Variants in SLC30A8 observed in about 807,000 individuals in gnomAD.
The protein encoded by SLC30A8 is solute carrier family 30 member 8.
A neutral mutation model predicts 36.9 loss-of-function variants in SLC30A8; 27 were observed. The observed-to-expected ratio is 0.73, with a 90% CI of 0.54 to 1.01. The LOEUF is 1.01. Ranked by LOEUF, SLC30A8 falls within the 50% of genes least tolerant of loss-of-function variation. The probability of loss-of-function intolerance (pLI) is 0.00; values close to 1 mark genes in which losing one functional copy is unlikely to be tolerated. For missense variants in SLC30A8, 439 were observed against 452.0 expected (o/e 0.97, Z 0.26); for synonymous variants, 164 against 172.4 (o/e 0.95, Z 0.38).
chr8:116,978,844 A>G (rs1315967435), intron 1 of SLC30A8, among the ~76,000 whole-genome samples: 5 of 151,910 alleles, frequency 3.3e-5, no homozygotes, highest in Non-Finnish European at 7.4e-5. Context: ...ATGCTCACCT[A>G]TATGTGCATT....
At chr8:117,141,665 A>G (rs1240313004) in intron 1 of SLC30A8, among the ~76,000 whole-genome samples, 1 of 152,148 alleles carries the variant, frequency 6.6e-6, no homozygotes, top group Non-Finnish European at 1.5e-5. Flanking sequence ...TGTACACTGT[A>G]CCAATGTGCA....
At chr8:117,106,137 T>C (rs113436177) in intron 2 of SLC30A8, among the ~76,000 whole-genome samples, 11 of 152,210 alleles carry the variant, frequency 7.2e-5, no homozygotes, top group Non-Finnish European at 1.5e-4. Flanking sequence ...AAAATGGTTT[T>C]ATAAATTAGT....
In SLC30A8 at chr8:116,970,482, G is replaced by A. The variant is rs1389853119; in HGVS notation, c.-266+19363G>A. On this transcript the variant is annotated intron_variant, in intron 1 of 10. Transcript: ENST00000427715. Reference sequence around the variant, plus strand: ...TTATCATTATCAAGAATTATGGACTGTACATAATTGTATGTGCTATACTTT... The same window carrying A: ...TTATCATTATCAAGAATTATGGACTATACATAATTGTATGTGCTATACTTT... Among the ~76,000 whole-genome samples, 8 of 152,294 alleles carry A rather than the reference G, an allele frequency of 5.3e-5. No individual in the cohort carries two copies. The East Asian group carries it at 9.6e-4, about 18-fold the overall frequency.
At chr8:117,137,192 G>T (rs1002526974) in intron 1 of SLC30A8, among the ~76,000 whole-genome samples, 5 of 151,700 alleles carry the variant, frequency 3.3e-5, no homozygotes, top group African/African-American at 7.3e-5. Flanking sequence ...TAGGTCACAT[G>T]TCCCTGAATT....
intron 1 of SLC30A8, among the ~76,000 whole-genome samples, chr8:116,958,419 T>C (rs1017217817): frequency 5.3e-5 from 8 of 152,150 alleles, no homozygotes; most frequent in African/African-American, 1.9e-4. Flanking sequence ...TTTTACTTCT[T>C]TTTGTTTTTG....
In SLC30A8 at chr8:117,129,014, T is replaced by C. The variant is rs149372237; in HGVS notation, c.-225-6266T>C. Among the ~76,000 whole-genome samples the C allele has an allele frequency of 3.0e-3, 449 of 152,120 alleles. 5 individuals are homozygous for C. Among genetic ancestry groups the C allele is most frequent in the African/African-American group, 0.01 (418 of 41,544 alleles). ...CAGCAGTAACGTTAGTTAAAATGGGTGCTTGGGCTGGATTCAGGTGTCAGG... is the reference window on the plus strand; with the variant it reads ...CAGCAGTAACGTTAGTTAAAATGGGCGCTTGGGCTGGATTCAGGTGTCAGG... On this transcript the variant is annotated intron_variant, in intron 2 of 10. Coordinates refer to the SLC30A8 transcript ENST00000427715.
At chr8:116,980,376 CA>C (rs1448456919) in intron 1 of SLC30A8, among the ~76,000 whole-genome samples, 2 of 151,996 alleles carry the variant, frequency 1.3e-5, no homozygotes, top group Non-Finnish European at 2.9e-5. Context: ...CAGGAAAGGG[CA>C]GGGGGAGAAT....
At chr8:117,067,636 A>G (rs1214226926) in intron 2 of SLC30A8, among the ~76,000 whole-genome samples, 1 of 152,190 alleles carries the variant, frequency 6.6e-6, no homozygotes, top group African/African-American at 2.4e-5. Flanking sequence ...GCAAATGCAG[A>G]TGTCTGTGAA....
At chr8:117,045,355 T>A (rs1817518596) in intron 2 of SLC30A8, among the ~76,000 whole-genome samples, 1 of 152,162 alleles carries the variant, frequency 6.6e-6, no homozygotes, top group African/African-American at 2.4e-5. Context: ...TTGAAAGGTT[T>A]TTTATGATCC....
chr8:116,987,730 G>A (rs1005856068), intron 1 of SLC30A8, among the ~76,000 whole-genome samples: 4 of 151,962 alleles, frequency 2.6e-5, no homozygotes, highest in Admixed American at 2.0e-4. Context: ...GAGTATCACT[G>A]TGTTGCCCAG....
At chr8:116,991,645 T>A (rs1815649655) in intron 1 of SLC30A8, among the ~76,000 whole-genome samples, 1 of 152,186 alleles carries the variant, frequency 6.6e-6, no homozygotes, top group Non-Finnish European at 1.5e-5. Flanking sequence ...ATATCTTTTT[T>A]ATAATTTGTG....
At chr8:117,107,022 T>C (rs1381875898) in intron 2 of SLC30A8, among the ~76,000 whole-genome samples, 1 of 152,188 alleles carries the variant, frequency 6.6e-6, no homozygotes, top group Non-Finnish European at 1.5e-5. Flanking sequence ...CATAGCACTT[T>C]CCTTGATAAA....
At chr8:117,122,692 A>G (rs1359370535) in intron 2 of SLC30A8, among the ~76,000 whole-genome samples, 1 of 151,944 alleles carries the variant, frequency 6.6e-6, no homozygotes, top group Non-Finnish European at 1.5e-5. Flanking sequence ...TATAGGCCAC[A>G]TGCCACACTC....
chr8:117,067,871 C>T (rs1181136672), intron 2 of SLC30A8, among the ~76,000 whole-genome samples: 1 of 152,114 alleles, frequency 6.6e-6, no homozygotes, highest in Non-Finnish European at 1.5e-5. Flanking sequence ...ATGGGGGGCT[C>T]CTAAATTGAC....
At chr8:117,079,087 C>T (rs1203159835) in intron 2 of SLC30A8, among the ~76,000 whole-genome samples, 1 of 152,158 alleles carries the variant, frequency 6.6e-6, no homozygotes, top group Non-Finnish European at 1.5e-5. Context: ...TCTCGGCTTA[C>T]TGCAACTTTC....
intron 2 of SLC30A8, among the ~76,000 whole-genome samples, chr8:117,060,005 T>G (rs1387333912): frequency 6.6e-6 from 1 of 151,960 alleles, no homozygotes; most frequent in East Asian, 1.9e-4. Flanking sequence ...TGACTGGATG[T>G]GGGAGTTGAA....
Position 117,172,834 on chromosome 8 carries a change from T to G in SLC30A8, c.*153T>G. 1 of 860,122 alleles carries G rather than the reference T, an allele frequency of 1.2e-6. No individual in the cohort carries two copies. The allele number at this position is 860,122 out of a possible 1,614,324, so 53.3% of individuals were successfully genotyped here. A position where few individuals can be genotyped will look rare whatever the true frequency, so the allele number is the denominator to read the frequency against. On this transcript the variant is annotated 3_prime_UTR_variant, in exon 8 of 8. Transcript: ENST00000456015. ...TCTATTTATTTAGTTCCATTCACCA[T>G]GAAGGAAGAGGCACTGAGATCCATC...
At chr8:116,954,862 A>G (rs2130576641) in intron 1 of SLC30A8, among the ~76,000 whole-genome samples, 2 of 152,300 alleles carry the variant, frequency 1.3e-5, no homozygotes, top group Middle Eastern at 6.8e-3. Context: ...TAAGAGTAGA[A>G]GTCAGTGATA....
At chr8:116,986,862 A>G (rs1180764866) in intron 1 of SLC30A8, among the ~76,000 whole-genome samples, 3 of 152,236 alleles carry the variant, frequency 2.0e-5, no homozygotes, top group Non-Finnish European at 4.4e-5. Flanking sequence ...TGTAGACCCA[A>G]GAAAAATCAA....
Sources: gnomAD v4.1 joint callset for allele counts (sites outside exome capture counted in the v4.1 genomes callset) on GRCh38, gnomAD v4.1.1 for gene constraint, MANE v1.5 for transcripts, NCBI Gene and HGNC (gene_info 2026-07-23, HGNC 2026-07-21) for gene names.